The following NFKB1 variants were observed in gnomAD, a reference collection of about 807,000 sequenced individuals.
NFKB1 encodes nuclear factor kappa B subunit 1, also known as nuclear factor NF-kappa-B p105 subunit.
Under a neutral mutation model 105.1 loss-of-function variants are expected in NFKB1, and 9 were observed. That is an observed-to-expected ratio of 0.09 (90% CI 0.05 to 0.15). The LOEUF (loss-of-function observed/expected upper bound fraction) is 0.15, where lower values mean the gene tolerates loss of function less well. NFKB1 is among the 10% of genes least tolerant of loss of function. The pLI is 1.00. For synonymous variants in NFKB1, 440 were observed against 442.2 expected, an observed-to-expected ratio of 1.00 and a Z score of 0.06; for missense variants, 830 against 1,203.7, an observed-to-expected ratio of 0.69 and a Z score of 4.59.
intron 11 of NFKB1, among the ~76,000 whole-genome samples, chr4:102,592,795 C>T (rs1726282860): frequency 6.6e-6 from 1 of 152,012 alleles, no homozygotes; most frequent in Non-Finnish European, 1.5e-5. Flanking sequence ...TCTTTTTCCT[C>T]TTCTTATATA....
At chr4:102,591,947 A>G (rs1726216486) in intron 11 of NFKB1, among the ~76,000 whole-genome samples, 1 of 152,242 alleles carries the variant, frequency 6.6e-6, no homozygotes, top group Non-Finnish European at 1.5e-5. Flanking sequence ...GGAGGTCAAA[A>G]TATCTACATT....
intron 1 of NFKB1, among the ~76,000 whole-genome samples, chr4:102,523,870 C>T (rs756757750): frequency 2.9e-4 from 44 of 152,154 alleles, no homozygotes; most frequent in Admixed American, 1.2e-3. Context: ...GTCAGATGGC[C>T]ATCTCTAACT....
intron 3 of NFKB1, among the ~76,000 whole-genome samples, chr4:102,533,460 T>A (rs1289593213): frequency 6.6e-6 from 1 of 152,198 alleles, no homozygotes; most frequent in African/African-American, 2.4e-5. Flanking sequence ...AAAGAAAATG[T>A]CATAGTGCCC....
At chr4:102,538,272 A>AT (rs1256821150) in intron 5 of NFKB1, among the ~76,000 whole-genome samples, 3 of 152,164 alleles carry the variant, frequency 2.0e-5, no homozygotes, top group Non-Finnish European at 4.4e-5. Flanking sequence ...GAAATGGTTG[A>AT]TTTTGACTCT....
chr4:102,603,086 T>C (rs1727341768), intron 16 of NFKB1, among the ~76,000 whole-genome samples: 1 of 152,176 alleles, frequency 6.6e-6, no homozygotes. Flanking sequence ...TGTGATTTTT[T>C]TTTGGAGACA....
chr4:102,519,980 T>C (rs1209397379), intron 1 of NFKB1, among the ~76,000 whole-genome samples: 1 of 152,120 alleles, frequency 6.6e-6, no homozygotes, highest in Admixed American at 6.5e-5. Flanking sequence ...TTCATTAGGG[T>C]TTCTCATGCT....
rs372174091 is a variant in NFKB1 at position 102,609,158 on chromosome 4, C to CAAAAAAA, written c.2228-1411_2228-1405dup. Among the ~76,000 whole-genome samples the CAAAAAAA allele has an allele frequency of 1.4e-3, 141 of 97,356 alleles. 2 individuals are homozygous for CAAAAAAA. Among genetic ancestry groups the CAAAAAAA allele is most frequent in the East Asian group, 8.1e-3 (23 of 2,824 alleles). 63.9% of individuals were successfully genotyped at this position (97,356 alleles called of 152,430 possible). A position where few individuals can be genotyped will look rare whatever the true frequency, so the allele number is the denominator to read the frequency against. Reference sequence around the variant, plus strand: ...ATAGAATAAGAATAAGACCCTGTCTCAAAAAAAAAAAAGAAAAAGAAAGAA... The same window carrying CAAAAAAA: ...ATAGAATAAGAATAAGACCCTGTCTCAAAAAAAAAAAAAAAAAAAGAAAAAGAAAGAA... On this transcript the variant is annotated intron_variant, in intron 19 of 23. Coordinates refer to ENST00000226574, the MANE Select transcript of NFKB1 (RefSeq NM_003998.4).
intron 1 of NFKB1, among the ~76,000 whole-genome samples, chr4:102,522,171 T>C (rs1450035745): frequency 1.3e-5 from 2 of 152,222 alleles, no homozygotes; most frequent in Admixed American, 6.5e-5. Context: ...TTAGTTGGTA[T>C]TTCAACATTT....
At chr4:102,594,837 T>G in intron 12 of NFKB1, 55 bp from the exon 13 acceptor site, 3 of 1,290,208 alleles carry the variant, frequency 2.3e-6, no homozygotes, top group Admixed American at 1.7e-5. Context: ...TAAGTTGTGC[T>G]GAGTCTTTGT....
Position 102,573,187 on chromosome 4 carries a change from A to T in NFKB1, c.408-3689A>T, listed in dbSNP as rs181680729. Among the ~76,000 whole-genome samples the T allele has an allele frequency of 3.8e-3, 571 of 152,196 alleles. 5 individuals are homozygous for T. Among genetic ancestry groups the T allele is most frequent in the African/African-American group, 0.013 (558 of 41,498 alleles). ...GCCAGGCATGGTGGTGCATGCCTGT[A>T]ATCCCAGCTACTCGAGAGGCCGAGG... On this transcript the variant is annotated intron_variant, in intron 6 of 23. Transcript: ENST00000226574.
At chr4:102,505,529 C>T (rs1388864229) in intron 1 of NFKB1, among the ~76,000 whole-genome samples, 1 of 152,102 alleles carries the variant, frequency 6.6e-6, no homozygotes, top group Non-Finnish European at 1.5e-5. Context: ...TTTCATTCAT[C>T]TTTCACCATT....
chr4:102,607,181 C>T lies in NFKB1; in HGVS notation c.1986C>T (p.Ser662=), dbSNP rs759361031. 29 of 1,614,126 alleles carry T rather than the reference C, an allele frequency of 1.8e-5. No homozygotes were observed. In the South Asian group the frequency reaches 3.0e-4, roughly 17 times the overall value. Residue 662 remains serine, a synonymous_variant, in exon 18 of 24, where the codon AGC becomes AGT. Coordinates refer to ENST00000226574, the MANE Select transcript of NFKB1 (RefSeq NM_003998.4). ...GLNAIHLAMM[S]NSLPCLLLLV... is the part of the protein sequence containing the mutation. The stretch of plus-strand genomic sequence containing the variant: ...ATGCCATTCATCTAGCCATGATGAG[C>T]AATAGCCTGCCATGTTTGCTGCTGC...
chr4:102,600,567 A>G (rs1167699114), intron 15 of NFKB1, among the ~76,000 whole-genome samples: 1 of 152,186 alleles, frequency 6.6e-6, no homozygotes, highest in Non-Finnish European at 1.5e-5. Flanking sequence ...CATGGTATAG[A>G]GGCAGGATTG....
intron 11 of NFKB1, among the ~76,000 whole-genome samples, chr4:102,591,591 CA>C (rs978402141): frequency 6.6e-6 from 1 of 152,048 alleles, no homozygotes; most frequent in African/African-American, 2.4e-5. Flanking sequence ...TGGATGACAG[CA>C]CATCTGTCTA....
intron 6 of NFKB1, among the ~76,000 whole-genome samples, chr4:102,574,221 A>T (rs1724625973): frequency 6.7e-6 from 1 of 149,830 alleles, no homozygotes; most frequent in African/African-American, 2.5e-5. Context: ...ATTCTTTCTA[A>T]ACTTACTTTT....
intron 2 of NFKB1, among the ~76,000 whole-genome samples, chr4:102,527,373 G>GT (rs1426067292): frequency 5.3e-5 from 8 of 152,158 alleles, no homozygotes; most frequent in African/African-American, 1.9e-4. Context: ...ACTAGAAAAG[G>GT]TGAAGGAACA....
chr4:102,577,752 C>G, intron 7 of NFKB1: 1 of 885,738 alleles, frequency 1.1e-6, no homozygotes, highest in Non-Finnish European at 1.4e-6. Context: ...CACTGACTCC[C>G]CCTCCTCGCC....
intron 5 of NFKB1, among the ~76,000 whole-genome samples, chr4:102,559,482 G>A (rs933196472): frequency 2.0e-5 from 3 of 152,044 alleles, no homozygotes; most frequent in African/African-American, 7.2e-5. Flanking sequence ...AGGAGCAAAA[G>A]CTTAGGAGAC....
intron 16 of NFKB1, among the ~76,000 whole-genome samples, chr4:102,603,186 C>T (rs1346226715): frequency 1.3e-5 from 2 of 152,042 alleles, no homozygotes; most frequent in African/African-American, 4.8e-5. Context: ...GATTCTTCTG[C>T]CTCAGCCTCC....
Sources: allele counts gnomAD v4.1 joint callset (sites outside exome capture counted in the v4.1 genomes callset), GRCh38; gene constraint gnomAD v4.1.1; transcripts MANE v1.5; gene names NCBI Gene and HGNC (gene_info 2026-07-23, HGNC 2026-07-21).